Variants in LAMA3 observed in about 807,000 individuals in gnomAD.
LAMA3 encodes the protein laminin subunit alpha-3.
In LAMA3, 281 loss-of-function variants were observed where a neutral mutation model predicts 402.0. The observed-to-expected ratio is 0.70, with a 90% CI of 0.63 to 0.77. The LOEUF is 0.77. Ranked by LOEUF, LAMA3 falls within the 30% of genes least tolerant of loss-of-function variation. The pLI, the probability that LAMA3 is intolerant of heterozygous loss-of-function variation, is 0.00. For synonymous variants in LAMA3, 1,431 were observed against 1,558.4 expected, an observed-to-expected ratio of 0.92 and a Z score of 1.93; for missense variants, 3,840 against 4,215.5, an observed-to-expected ratio of 0.91 and a Z score of 2.47.
intron 12 of LAMA3, among the ~76,000 whole-genome samples, chr18:23,805,542 C>A (rs1208424109): frequency 6.6e-6 from 1 of 152,146 alleles, no homozygotes; most frequent in Non-Finnish European, 1.5e-5. Flanking sequence ...GATGTATATT[C>A]CAGTTATGAA....
At chr18:23,908,533 C>CAAAA (rs111961159) in intron 54 of LAMA3, among the ~76,000 whole-genome samples, 3 of 57,006 alleles carry the variant, frequency 5.3e-5, no homozygotes, top group Non-Finnish European at 1.2e-4. Flanking sequence ...CCATCTCAAA[C>CAAAA]AAAAAAAAAA....
chr18:23,691,844 T>C (rs932121346), intron 1 of LAMA3, among the ~76,000 whole-genome samples: 2 of 152,218 alleles, frequency 1.3e-5, no homozygotes, highest in Non-Finnish European at 2.9e-5. Context: ...AGTGCTGGGA[T>C]TACAGGCATG....
intron 68 of LAMA3, 89 bp from the exon 69 acceptor site, chr18:23,943,699 G>A (rs1176196995): frequency 3.3e-6 from 4 of 1,205,012 alleles, no homozygotes; most frequent in Non-Finnish European, 4.9e-6. Flanking sequence ...TGGGGGTTGG[G>A]TGTTTGCTCC....
intron 11 of LAMA3, among the ~76,000 whole-genome samples, chr18:23,782,938 T>A (rs564965304): frequency 6.6e-6 from 1 of 152,180 alleles, no homozygotes; most frequent in Admixed American, 6.5e-5. Flanking sequence ...TCTCATGAAG[T>A]GTCCAGTCTG....
chr18:23,824,527 A>G lies in LAMA3; in HGVS notation c.2533A>G (p.Ile845Val). 6.2e-7 allele frequency: 1 copy of G among 1,614,142 alleles called. No homozygotes were observed. The highest frequency in any genetic ancestry group is 8.5e-7 in the Non-Finnish European group (1 of 1,179,982). Reference sequence around the variant, plus strand: ...AGACCCATTTTCAATCACACCAGGAATATGGGTTGCTTGTATTAAGGCAGA... The same window carrying G: ...AGACCCATTTTCAATCACACCAGGAGTATGGGTTGCTTGTATTAAGGCAGA... ...FADPFSITPG[I>V]WVACIKAEGV... Residue 845 changes from isoleucine to valine, a missense_variant, in exon 21 of 75, where the codon ATA becomes GTA. This residue lies in a region of LAMA3 where 2,109 missense variants were observed against 2,376.0 expected (regional missense o/e 0.89). Transcript: ENST00000313654.
In LAMA3 at chr18:23,954,909, T is replaced by C. The variant is rs770206855; in HGVS notation, c.*261T>C. ...TATGCACAGAATGTTTTTGGTAATA[T>C]TAATTTCCACTAAAAAATTAAATGT... On this transcript the variant is annotated 3_prime_UTR_variant, in exon 75 of 75. Coordinates refer to ENST00000313654, the MANE Select transcript of LAMA3 (RefSeq NM_198129.4). The C allele has an allele frequency of 3.9e-5, 17 of 438,308 alleles. No individual in the cohort carries two copies. Among genetic ancestry groups the C allele is most frequent in the Non-Finnish European group, 6.2e-5 (15 of 243,444 alleles). 27.2% of individuals were successfully genotyped at this position (438,308 alleles called of 1,614,324 possible). A position where few individuals can be genotyped will look rare whatever the true frequency, so the allele number is the denominator to read the frequency against.
chr18:23,909,063 C>G (rs1213349315), intron 54 of LAMA3, 90 bp from the exon 55 acceptor site: 1 of 1,266,560 alleles, frequency 7.9e-7, no homozygotes, highest in African/African-American at 1.5e-5. Flanking sequence ...ACCAAACATG[C>G]CACTTGACAA....
At chr18:23,837,122 A>G (rs1188114121) in intron 25 of LAMA3, 33 bp downstream of exon 25, 1 of 1,447,088 alleles carries the variant, frequency 6.9e-7, no homozygotes. Context: ...GAATTTTAGA[A>G]GCATTTTGCT....
chr18:23,842,490 G>T lies in LAMA3; in HGVS notation c.3432G>T (p.Gln1144His). The T allele has an allele frequency of 6.2e-7, 1 of 1,614,242 alleles. No individual in the cohort carries two copies. The highest frequency in any genetic ancestry group is 8.5e-7 in the Non-Finnish European group (1 of 1,180,034). Residue 1144 changes from glutamine to histidine, a missense_variant, in exon 28 of 75, where the codon CAG (glutamine) becomes CAT (histidine). By Grantham distance (24) the Gln-to-His change is conservative. Coordinates refer to ENST00000313654, the MANE Select transcript of LAMA3 (RefSeq NM_198129.4). ...YQAAHPTFPAQVSVDGGWPRA... is the reference protein window; with the variant it reads ...YQAAHPTFPAHVSVDGGWPRA... ...CAGCGCACCCGACGTTTCCCGCGCA[G>T]GTGTCGGTGGATGGCGGGTGGCCAC...
At chr18:23,820,979 C>T (rs2063274969) in intron 19 of LAMA3, among the ~76,000 whole-genome samples, 2 of 152,134 alleles carry the variant, frequency 1.3e-5, no homozygotes, top group Admixed American at 1.3e-4. Context: ...TCTTTGCCCC[C>T]ACTCCCCAAA....
chr18:23,901,930 G>A (rs1005595513), intron 48 of LAMA3, among the ~76,000 whole-genome samples: 3 of 152,218 alleles, frequency 2.0e-5, no homozygotes, highest in African/African-American at 7.2e-5. Flanking sequence ...CTGACCTCAG[G>A]TGATCCACTC....
intron 54 of LAMA3, 84 bp downstream of exon 54, chr18:23,908,019 A>G: frequency 7.4e-7 from 1 of 1,356,896 alleles, no homozygotes; most frequent in Middle Eastern, 1.9e-4. Flanking sequence ...TTCCCTGGTA[A>G]AGTCTGATCT....
chr18:23,734,949 G>C (rs1413902156), intron 2 of LAMA3, among the ~76,000 whole-genome samples: 1 of 152,240 alleles, frequency 6.6e-6, no homozygotes, highest in Non-Finnish European at 1.5e-5. Context: ...ATTTGGGATG[G>C]ACTTAGTCCC....
At chr18:23,761,031 G>A (rs2061957394) in intron 7 of LAMA3, among the ~76,000 whole-genome samples, 1 of 152,102 alleles carries the variant, frequency 6.6e-6, no homozygotes, top group African/African-American at 2.4e-5. Flanking sequence ...CCATAGCAGA[G>A]AGCTACTATT....
At position 23,939,341 on chromosome 18, in the gene LAMA3, C is replaced by T. The variant is rs552813830; in HGVS notation, c.8981C>T (p.Thr2994Ile). Residue 2994 changes from threonine (T) to isoleucine (I), a missense_variant, in exon 68 of 75, where the codon ACC becomes ATC. By Grantham distance (89) the Thr-to-Ile change is moderately conservative (BLOSUM62 -1). This residue lies in a region of LAMA3 where 840 missense variants were observed against 981.9 expected (regional missense o/e 0.86). Transcript: ENST00000313654. ...HGALQFGDIPTSHLLFKLPQE... is the reference protein window; with the variant it reads ...HGALQFGDIPISHLLFKLPQE... ...GCCCTCCAGTTTGGGGACATTCCCA[C>T]CAGCCACTTGCTATTCAAGCTTCCT... 8.8e-5 allele frequency: 142 copies of T among 1,614,242 alleles called. 1 individual carries two copies. The South Asian group carries it at 1.3e-3, about 14-fold the overall frequency.
rs368647209 is a variant in LAMA3, at chr18:23,847,639, G to A, written c.4107G>A (p.Pro1369=). Residue 1369 remains proline (P), a synonymous_variant, in exon 32 of 75, where the codon CCG becomes CCA. Transcript: ENST00000313654. ...SRRGTIEAAM[P]ECDRDSGQCR... ...GGGGCACCATCGAGGCTGCCATGCCGGAGTGTGACCGGGACAGCGGGCAGT... is the reference window on the plus strand; with the variant it reads ...GGGGCACCATCGAGGCTGCCATGCCAGAGTGTGACCGGGACAGCGGGCAGT... 100 of 1,613,918 alleles carry A rather than the reference G, an allele frequency of 6.2e-5. No individual in the cohort carries two copies. The Admixed American group carries it at 6.3e-4, about 10-fold the overall frequency.
At chr18:23,744,822 ACT>A (rs2061622569) in intron 2 of LAMA3, among the ~76,000 whole-genome samples, 2 of 118,064 alleles carry the variant, frequency 1.7e-5, no homozygotes, top group Admixed American at 2.1e-4. Context: ...ACAGAGCAAG[ACT>A]CTGTCTCAAA....
chr18:23,785,778 T>C (rs946914497), intron 12 of LAMA3, among the ~76,000 whole-genome samples: 1 of 152,176 alleles, frequency 6.6e-6, no homozygotes, highest in African/African-American at 2.4e-5. Flanking sequence ...TTTCCTCCTC[T>C]CTACCAGCCA....
Position 23,928,117 on chromosome 18 carries a change from A to G in LAMA3, c.8178-6A>G, listed in dbSNP as rs748465523. The G allele has an allele frequency of 6.3e-7, 1 of 1,591,168 alleles. No individual in the cohort carries two copies. Among genetic ancestry groups the G allele is most frequent in the Non-Finnish European group, 8.6e-7 (1 of 1,159,010 alleles). ...ATCTCTTCCTTTTATCTGTGTTCGTAATCAGATTTAACATTTCTACGCCTG... is the reference window on the plus strand; with the variant it reads ...ATCTCTTCCTTTTATCTGTGTTCGTGATCAGATTTAACATTTCTACGCCTG... On this transcript the variant is annotated splice_polypyrimidine_tract_variant and splice_region_variant and intron_variant, in intron 62 of 74. Transcript: ENST00000313654.
Sources: gnomAD v4.1 joint callset for allele counts (sites outside exome capture counted in the v4.1 genomes callset) on GRCh38, gnomAD v4.1.1 for gene constraint, gnomAD v4.1.1 regional missense constraint, MANE v1.5 for transcripts, NCBI Gene and HGNC (gene_info 2026-07-23, HGNC 2026-07-21) for gene names.